Variants in OR11A1 observed in about 807,000 individuals in gnomAD.
The protein encoded by OR11A1 is olfactory receptor 11A1.
For missense variants in OR11A1, 380 were observed against 378.2 expected, an observed-to-expected ratio of 1.00 and a Z score of -0.04; for synonymous variants, 158 against 152.2, an observed-to-expected ratio of 1.04 and a Z score of -0.28.
intron 1 of OR11A1, among the ~76,000 whole-genome samples, chr6:29,449,600 G>A (rs769179100): frequency 2.6e-5 from 4 of 151,770 alleles, no homozygotes; most frequent in Non-Finnish European, 4.4e-5. Context: ...CATTTCCTTC[G>A]AATACACCCA....
At chr6:29,429,005 G>C in intron 3 of OR11A1, 45 bp from the exon 4 acceptor site, 3 of 621,676 alleles carry the variant, frequency 4.8e-6, no homozygotes, top group Non-Finnish European at 6.0e-6. Context: ...AGAAACAGTT[G>C]AGAAAGGTAG....
At chr6:29,442,962 T>C (rs1405855117) in intron 1 of OR11A1, among the ~76,000 whole-genome samples, 1 of 152,248 alleles carries the variant, frequency 6.6e-6, no homozygotes, top group Non-Finnish European at 1.5e-5. Flanking sequence ...CTGGTCTTGC[T>C]AAAGAGTGTT....
rs376875668 is a variant in OR11A1, at chr6:29,444,432, C to T, written c.-388-12445G>A. Among the ~76,000 whole-genome samples, 125 of 152,300 alleles carry T rather than the reference C, an allele frequency of 8.2e-4. 2 individuals carry two copies. In the South Asian group the frequency reaches 0.023, roughly 28 times the overall value. On this transcript the variant is annotated intron_variant, in intron 1 of 4. Coordinates refer to ENST00000377149, the MANE Select transcript of OR11A1 (RefSeq NM_001394828.1). The stretch of plus-strand genomic sequence containing the variant: ...ATGGGTTGTGATCTCTACTCCGTTA[C>T]TAAAACTTTACAGGACCTAGAGCAA...
At chr6:29,456,304 C>T (rs1208123450) in intron 1 of OR11A1, among the ~76,000 whole-genome samples, 1 of 150,892 alleles carries the variant, frequency 6.6e-6, no homozygotes, top group Admixed American at 6.6e-5. Flanking sequence ...GGGCGGATCA[C>T]GAGGTCAGGA....
intron 1 of OR11A1, among the ~76,000 whole-genome samples, chr6:29,436,046 T>A (rs1783604703): frequency 6.6e-6 from 1 of 152,148 alleles, no homozygotes; most frequent in Non-Finnish European, 1.5e-5. Context: ...ATTTGTGGAT[T>A]CAGTATTTGC....
chr6:29,450,728 G>A (rs1018716050), intron 1 of OR11A1, among the ~76,000 whole-genome samples: 2 of 151,904 alleles, frequency 1.3e-5, no homozygotes, highest in African/African-American at 4.8e-5. Context: ...ACAAAAAATG[G>A]AAAAAACATT....
At chr6:29,447,690 T>C (rs1235222830) in intron 1 of OR11A1, among the ~76,000 whole-genome samples, 3 of 152,246 alleles carry the variant, frequency 2.0e-5, no homozygotes, top group Non-Finnish European at 4.4e-5. Context: ...AATGAGGCCA[T>C]TGTAGAGTTA....
chr6:29,431,997 C>A lies in OR11A1; in HGVS notation c.-388-10G>T. 1.0e-6 allele frequency: 1 copy of A among 985,334 alleles called. No homozygotes were observed. The highest frequency in any genetic ancestry group is 1.2e-6 in the Non-Finnish European group (1 of 829,916). The allele number at this position is 985,334 out of a possible 1,614,324, so 61.0% of individuals were successfully genotyped here. Reference sequence around the variant, plus strand: ...CCTGCTTGAGCTCAACCTGAAGTAACGTAGAACATTGATTACAAATGTCAC... The same window carrying A: ...CCTGCTTGAGCTCAACCTGAAGTAAAGTAGAACATTGATTACAAATGTCAC... On this transcript the variant is annotated splice_polypyrimidine_tract_variant and intron_variant, in intron 1 of 4. Transcript: ENST00000377149.
intron 2 of OR11A1, among the ~76,000 whole-genome samples, chr6:29,430,752 T>C (rs1326186499): frequency 6.6e-6 from 1 of 152,098 alleles, no homozygotes; most frequent in African/African-American, 2.4e-5. Flanking sequence ...AAGCCCAGAC[T>C]CAATCGCTAC....
At chr6:29,454,980 T>C (rs1785894809) in intron 1 of OR11A1, among the ~76,000 whole-genome samples, 1 of 152,102 alleles carries the variant, frequency 6.6e-6, no homozygotes, top group Admixed American at 6.5e-5. Flanking sequence ...TGTATGAAAA[T>C]GAATTATGAC....
chr6:29,434,252 G>T (rs1167040087), intron 1 of OR11A1, among the ~76,000 whole-genome samples: 2 of 152,024 alleles, frequency 1.3e-5, no homozygotes, highest in Non-Finnish European at 2.9e-5. Context: ...CCAACGTCAT[G>T]GAACTTTTCT....
At chr6:29,440,504 C>G (rs763589257) in intron 1 of OR11A1, 2 of 1,613,702 alleles carry the variant, frequency 1.2e-6, no homozygotes, top group Non-Finnish European at 8.5e-7. Flanking sequence ...CTTTCATCTT[C>G]TCTTTGCCCT....
At position 29,426,406 on chromosome 6, in the gene OR11A1, C is replaced by A; in HGVS notation, c.*288G>T. 3.0e-6 allele frequency: 1 copy of A among 328,672 alleles called. No individual in the cohort carries two copies. Among genetic ancestry groups the A allele is most frequent in the Admixed American group, 4.3e-5 (1 of 23,082 alleles). 20.4% of individuals were successfully genotyped at this position (328,672 alleles called of 1,614,324 possible). A position where few individuals can be genotyped will look rare whatever the true frequency, so the allele number is the denominator to read the frequency against. ...TGGAGGTTGGGAGGAGGGAGAAGATCAGGAAAAATGATTAATGAGTACTAG... is the reference window on the plus strand; with the variant it reads ...TGGAGGTTGGGAGGAGGGAGAAGATAAGGAAAAATGATTAATGAGTACTAG... On this transcript the variant is annotated 3_prime_UTR_variant, in exon 5 of 5. Coordinates refer to ENST00000377149, the MANE Select transcript of OR11A1 (RefSeq NM_001394828.1).
rs116160734 is a variant in OR11A1 at position 29,433,280 on chromosome 6, T to C, written c.-388-1293A>G. Among the ~76,000 whole-genome samples, 1,006 of 152,302 alleles carry C rather than the reference T, an allele frequency of 6.6e-3. 9 individuals are homozygous for C. The highest frequency in any genetic ancestry group is 0.01 in the Middle Eastern group (3 of 294). On this transcript the variant is annotated intron_variant, in intron 1 of 4. Coordinates refer to ENST00000377149, the MANE Select transcript of OR11A1 (RefSeq NM_001394828.1). Reference sequence around the variant, plus strand: ...CTTTCATATAATAGATCTCTTGAATTATCTCTCTTGTCTAACTGTAATTTT... The same window carrying C: ...CTTTCATATAATAGATCTCTTGAATCATCTCTCTTGTCTAACTGTAATTTT...
At chr6:29,428,376 T>C in intron 4 of OR11A1, 1 of 982,912 alleles carries the variant, frequency 1.0e-6, no homozygotes, top group Non-Finnish European at 1.2e-6. Flanking sequence ...CAGCCTGGGG[T>C]TGTGGGGCAG....
chr6:29,433,151 A>G (rs1783349499), intron 1 of OR11A1, among the ~76,000 whole-genome samples: 1 of 152,212 alleles, frequency 6.6e-6, no homozygotes, highest in Admixed American at 6.5e-5. Flanking sequence ...AAGCTAATTT[A>G]CATGAACCAT....
In OR11A1 at chr6:29,427,464, G is replaced by T; in HGVS notation, c.178C>A (p.Pro60Thr). ...AVVSSQRLHK[P>T]MYIFLANLSF... is the part of the protein sequence containing the mutation. ...AGATTCGCCAAGAAAATATACATGG[G>T]TTTGTGGAGCCTCTGGGAGCTAACC... Residue 60 changes from proline (P) to threonine (T), a missense_variant, in exon 5 of 5, where the codon CCC becomes ACC. By Grantham distance (38) the Pro-to-Thr change is conservative. Transcript: ENST00000377149. 6.2e-7 allele frequency: 1 copy of T among 1,613,064 alleles called. No individual in the cohort carries two copies. The highest frequency in any genetic ancestry group is 8.5e-7 in the Non-Finnish European group (1 of 1,180,042).
intron 1 of OR11A1, among the ~76,000 whole-genome samples, chr6:29,444,243 T>C (rs1017488458): frequency 6.6e-6 from 1 of 152,202 alleles, no homozygotes; most frequent in African/African-American, 2.4e-5. Flanking sequence ...CCATGTAAGA[T>C]GTGATTTGCT....
At chr6:29,440,579 T>C in intron 1 of OR11A1, 1 of 1,613,874 alleles carries the variant, frequency 6.2e-7, no homozygotes, top group Non-Finnish European at 8.5e-7. Flanking sequence ...AGCTGGTATG[T>C]GGAGACACCT....
Sources: allele counts gnomAD v4.1 joint callset (sites outside exome capture counted in the v4.1 genomes callset), GRCh38; gene constraint gnomAD v4.1.1; transcripts MANE v1.5; gene names NCBI Gene and HGNC (gene_info 2026-07-23, HGNC 2026-07-21).